The following FBN1 variants were observed in gnomAD, a reference collection of about 807,000 sequenced individuals.
FBN1 encodes the protein fibrillin-1.
Under a neutral mutation model 365.1 loss-of-function variants are expected in FBN1, and 29 were observed. The ratio of observed to expected loss-of-function variants is 0.08; its 90% CI spans 0.06 to 0.11. FBN1 has a LOEUF of 0.11. Among genes scored for constraint, FBN1 ranks in the 10% least tolerant of loss-of-function variants. The pLI is 1.00. For synonymous variants in FBN1, 1,210 were observed against 1,270.5 expected, an observed-to-expected ratio of 0.95 and a Z score of 1.01; for missense variants, 2,476 against 3,703.2, an observed-to-expected ratio of 0.67 and a Z score of 8.60.
At chr15:48,602,513 GC>G (rs1377847663) in intron 4 of FBN1, among the ~76,000 whole-genome samples, 2 of 152,130 alleles carry the variant, frequency 1.3e-5, no homozygotes, top group African/African-American at 4.8e-5. Context: ...CAAAAGCCAT[GC>G]CCAAAGACCA....
At chr15:48,505,168 T>C in intron 15 of FBN1, 21 bp from the exon 16 acceptor site, 1 of 1,614,012 alleles carries the variant, frequency 6.2e-7, no homozygotes, top group Non-Finnish European at 8.5e-7. Flanking sequence ...GAAAGGCACT[T>C]ATTAAAAATG....
chr15:48,478,393 C>A (rs937499832), intron 32 of FBN1, among the ~76,000 whole-genome samples: 4 of 152,264 alleles, frequency 2.6e-5, no homozygotes, highest in African/African-American at 7.2e-5. Flanking sequence ...ATGAAAGAAA[C>A]CAGCTAGTTT....
chr15:48,492,611 G>A, intron 23 of FBN1, 25 bp from the exon 24 acceptor site: 1 of 1,466,370 alleles, frequency 6.8e-7, no homozygotes, highest in African/African-American at 1.4e-5. Flanking sequence ...AAAGTATAAA[G>A]TTAATATATC....
At chr15:48,564,555 T>C (rs1477589294) in intron 6 of FBN1, among the ~76,000 whole-genome samples, 4 of 152,088 alleles carry the variant, frequency 2.6e-5, no homozygotes, top group African/African-American at 9.7e-5. Context: ...ATGCTTATTG[T>C]CTATTAATAT....
At chr15:48,571,115 TC>T in intron 6 of FBN1, among the ~76,000 whole-genome samples, 1 of 152,290 alleles carries the variant, frequency 6.6e-6, no homozygotes, top group Non-Finnish European at 1.5e-5. Context: ...GAGCCACAGG[TC>T]AGCATGGGTA....
At chr15:48,644,493 T>C (rs1213378001) in intron 2 of FBN1, 113 bp downstream of exon 2, 16 of 1,464,250 alleles carry the variant, frequency 1.1e-5, no homozygotes, top group Non-Finnish European at 1.4e-5. Flanking sequence ...ACCTCTAAGG[T>C]GCCCCCAGGA....
chr15:48,414,788 C>T (rs989551020), intron 64 of FBN1, among the ~76,000 whole-genome samples: 8 of 151,710 alleles, frequency 5.3e-5, no homozygotes, highest in Non-Finnish European at 1.0e-4. Context: ...CCCAGCTACT[C>T]CAGAGGCTGA....
intron 4 of FBN1, among the ~76,000 whole-genome samples, chr15:48,609,356 C>T (rs1468233399): frequency 1.3e-5 from 2 of 152,198 alleles, no homozygotes; most frequent in African/African-American, 4.8e-5. Flanking sequence ...TAAAAGGTGG[C>T]TGTTACTGTG....
chr15:48,427,721 G>C lies in FBN1; in HGVS notation c.7050C>G (p.Ile2350Met), dbSNP rs772287755. The C allele has an allele frequency of 5.6e-6, 9 of 1,613,948 alleles. No homozygotes were observed. ...FTEVLQNMCQ[I>M]GSSNRNPVTK... ...TGACGGGGTTCCTGTTGCTGGAGCC[G>C]ATCTGACACATGTTTTGTAGCACCT... The change falls in exon 58 of 66, where the codon ATC becomes ATG. Residue 2350 changes from isoleucine to methionine, a missense_variant. Coordinates refer to ENST00000316623, the MANE Select transcript of FBN1 (RefSeq NM_000138.5).
intron 51 of FBN1, 67 bp downstream of exon 51, chr15:48,437,701 T>C (rs1351236934): frequency 6.6e-7 from 1 of 1,524,664 alleles, no homozygotes; most frequent in Non-Finnish European, 9.1e-7. Flanking sequence ...AGGCCTACAG[T>C]CTTACTTACA....
At chr15:48,605,995 G>A (rs1367098158) in intron 4 of FBN1, among the ~76,000 whole-genome samples, 1 of 152,116 alleles carries the variant, frequency 6.6e-6, no homozygotes, top group African/African-American at 2.4e-5. Context: ...CTATCCAATA[G>A]GGAAATGCAA....
chr15:48,624,611 T>A (rs1465633915), intron 2 of FBN1, among the ~76,000 whole-genome samples: 1 of 152,228 alleles, frequency 6.6e-6, no homozygotes, highest in Non-Finnish European at 1.5e-5. Context: ...ATATGGCCAA[T>A]GACACGATGA....
intron 4 of FBN1, among the ~76,000 whole-genome samples, chr15:48,600,686 C>A (rs1265205644): frequency 6.6e-6 from 1 of 152,110 alleles, no homozygotes; most frequent in Non-Finnish European, 1.5e-5. Context: ...GCCTGAGTGA[C>A]AGAGCGAGCG....
chr15:48,626,144 G>A lies in FBN1; in HGVS notation c.165-13052C>T, dbSNP rs143672889. Reference sequence around the variant, plus strand: ...GGTGGCATGCACCTGTAGCTTCCCAGCTACTTGGAAGGCTGAGTGGGAGGA... The same window carrying A: ...GGTGGCATGCACCTGTAGCTTCCCAACTACTTGGAAGGCTGAGTGGGAGGA... On this transcript the variant is annotated intron_variant, in intron 2 of 65. Coordinates refer to ENST00000316623, the MANE Select transcript of FBN1 (RefSeq NM_000138.5). Among the ~76,000 whole-genome samples the A allele has an allele frequency of 2.2e-3, 335 of 151,934 alleles. 1 individual carries two copies. Among genetic ancestry groups the A allele is most frequent in the African/African-American group, 7.9e-3 (326 of 41,422 alleles).
chr15:48,421,835 T>G (rs938051766), intron 61 of FBN1, 117 bp downstream of exon 61: 1 of 1,157,876 alleles, frequency 8.6e-7, no homozygotes, highest in African/African-American at 1.5e-5. Flanking sequence ...CACACATACA[T>G]GCACTCATAT....
At chr15:48,412,256 T>C (rs1398570346) in intron 65 of FBN1, among the ~76,000 whole-genome samples, 1 of 152,248 alleles carries the variant, frequency 6.6e-6, no homozygotes, top group Non-Finnish European at 1.5e-5. Context: ...TTCGCTATTC[T>C]GCCCACTTGC....
intron 6 of FBN1, among the ~76,000 whole-genome samples, chr15:48,566,353 A>G (rs2044258691): frequency 6.6e-6 from 1 of 152,240 alleles, no homozygotes; most frequent in African/African-American, 2.4e-5. Flanking sequence ...TTTTGTGTCA[A>G]CTTGAATTTC....
In FBN1 at chr15:48,526,246, T is replaced by A; in HGVS notation, c.872A>T (p.Glu291Val). 8 of 1,614,076 alleles carry A rather than the reference T, an allele frequency of 5.0e-6. No homozygotes were observed. Among genetic ancestry groups the A allele is most frequent in the Non-Finnish European group, 6.8e-6 (8 of 1,179,964 alleles). The change falls in exon 9 of 66, where the codon GAA becomes GTA. Residue 291 changes from glutamate to valine, a missense_variant. By Grantham distance (121) the Glu-to-Val change is moderately radical. Coordinates refer to ENST00000316623, the MANE Select transcript of FBN1 (RefSeq NM_000138.5). ...EVSQKCEDIDECSTIPGICEG... is the reference protein window; with the variant it reads ...EVSQKCEDIDVCSTIPGICEG... ...ACAGATTCCAGGAATGGTGCTGCAT[T>A]CATCAATATCTGGAATATAAAAAAA...
rs72739819 is a variant in FBN1, at chr15:48,513,704, T to G, written c.1469-36A>C. The G allele has an allele frequency of 1.9e-3, 3,127 of 1,612,714 alleles. 6 individuals are homozygous for G. The highest frequency in any genetic ancestry group is 2.2e-3 in the Non-Finnish European group (2,585 of 1,179,068). ...CAATGTATTTTAGTGCAAAATTACA[T>G]AGCAATACCTCATAATTCTAAGACT... On this transcript the variant is annotated intron_variant, in intron 12 of 65. Transcript: ENST00000316623.
Sources: allele counts gnomAD v4.1 joint callset (sites outside exome capture counted in the v4.1 genomes callset), GRCh38; gene constraint gnomAD v4.1.1; transcripts MANE v1.5; gene names NCBI Gene and HGNC (gene_info 2026-07-23, HGNC 2026-07-21).